PRDM2: variants seen among roughly 807,000 people sequenced by gnomAD.
The protein encoded by PRDM2 is PR/SET domain 2.
Under a neutral mutation model 130.0 loss-of-function variants are expected in PRDM2, and 30 were observed. That is an observed-to-expected ratio of 0.23 (90% CI 0.17 to 0.31). The LOEUF (loss-of-function observed/expected upper bound fraction) is 0.31, where lower values mean the gene tolerates loss of function less well. Ranked by LOEUF, PRDM2 falls within the 10% of genes least tolerant of loss-of-function variation. PRDM2 has a pLI of 1.00. For synonymous variants in PRDM2, 871 were observed against 782.4 expected (o/e 1.11, Z -1.89); for missense variants, 2,011 against 2,108.4 (o/e 0.95, Z 0.90).
chr1:13,758,177 C>G (rs1420394043), intron 6 of PRDM2, among the ~76,000 whole-genome samples: 1 of 152,060 alleles, frequency 6.6e-6, no homozygotes, highest in African/African-American at 2.4e-5. Context: ...GGCGCGGTGG[C>G]TCACACCTGT....
chr1:13,774,827 A>T lies in PRDM2; in HGVS notation c.622+1639A>T, dbSNP rs193113525. Among the ~76,000 whole-genome samples the T allele has an allele frequency of 3.1e-3, 472 of 152,258 alleles. 2 individuals carry two copies. Among genetic ancestry groups the T allele is most frequent in the African/African-American group, 0.011 (455 of 41,544 alleles). On this transcript the variant is annotated intron_variant, in intron 7 of 9. Transcript: ENST00000311066. ...CCGTCTCTACTAAAAATACAAAAAA[A>T]TTAGCCAGGCGTGGTGGTGGGCGCC...
chr1:13,753,674 T>A (rs1643887158), intron 6 of PRDM2, among the ~76,000 whole-genome samples: 1 of 152,152 alleles, frequency 6.6e-6, no homozygotes, highest in Non-Finnish European at 1.5e-5. Flanking sequence ...CAGTAAGGAC[T>A]ATTGACCCTC....
At chr1:13,730,502 C>T (rs574165155) in intron 2 of PRDM2, among the ~76,000 whole-genome samples, 1 of 152,272 alleles carries the variant, frequency 6.6e-6, no homozygotes, top group African/African-American at 2.4e-5. Flanking sequence ...AATATTCAAG[C>T]CCCATCCAGT....
At chr1:13,736,114 C>CTTT (rs766095858) in intron 4 of PRDM2, among the ~76,000 whole-genome samples, 3 of 132,020 alleles carry the variant, frequency 2.3e-5, no homozygotes, top group Non-Finnish European at 5.0e-5. Flanking sequence ...TGTTTCTTTT[C>CTTT]TTTTTTTTTT....
intron 8 of PRDM2, among the ~76,000 whole-genome samples, chr1:13,813,203 A>T (rs571958598): frequency 1.3e-5 from 2 of 152,320 alleles, no homozygotes; most frequent in African/African-American, 4.8e-5. Context: ...CAGAAGATCA[A>T]CCTGGAACTC....
In PRDM2 at chr1:13,741,979, G is replaced by T. The variant is rs995983878; in HGVS notation, c.232-26G>T. 4 of 1,507,040 alleles carry T rather than the reference G, an allele frequency of 2.7e-6. No homozygotes were observed. In the East Asian group the frequency reaches 9.0e-5, roughly 34 times the overall value. The allele number at this position is 1,507,040 out of a possible 1,614,324, so 93.4% of individuals were successfully genotyped here. ...TAAAGATACTCCTATTTTAACAAAA[G>T]TTTTTTACTTTTCTCCATTTTCAAG... On this transcript the variant is annotated intron_variant, in intron 4 of 9. Transcript: ENST00000311066.
chr1:13,813,520 C>T (rs1645208836), intron 8 of PRDM2, among the ~76,000 whole-genome samples: 1 of 152,186 alleles, frequency 6.6e-6, no homozygotes, highest in Admixed American at 6.5e-5. Flanking sequence ...GGGCTCTGCT[C>T]GCCTGGGAAA....
At chr1:13,702,983 C>T (rs978762223) in intron 1 of PRDM2, among the ~76,000 whole-genome samples, 4 of 152,140 alleles carry the variant, frequency 2.6e-5, no homozygotes, top group East Asian at 3.8e-4. Context: ...AGATAACTGC[C>T]GCCCTGTGTC....
chr1:13,732,937 G>GAGAGAACAGAATAA, intron 4 of PRDM2, 55 bp downstream of exon 4: 1 of 1,188,864 alleles, frequency 8.4e-7, no homozygotes, highest in Non-Finnish European at 1.2e-6. Context: ...TAATTATTCT[G>GAGAGAACAGAATAA]TTCTCTCAGA....
chr1:13,783,236 A>G lies in PRDM2; in HGVS notation c.5036+405A>G, dbSNP rs541215800. ...AGACGGGTCACTAAGTTCATTAGTA[A>G]ACCATGTTACAATCTTGTTTAATAT... On this transcript the variant is annotated intron_variant, in intron 8 of 9. Coordinates refer to ENST00000311066, the MANE Select transcript of PRDM2 (RefSeq NM_001393986.1). 12 of 493,270 alleles carry G rather than the reference A, an allele frequency of 2.4e-5. No individual in the cohort carries two copies. In the East Asian group the frequency reaches 6.6e-4, roughly 27 times the overall value. 30.6% of individuals were successfully genotyped at this position (493,270 alleles called of 1,614,324 possible). A position where few individuals can be genotyped will look rare whatever the true frequency, so the allele number is the denominator to read the frequency against.
chr1:13,742,268 A>G, intron 5 of PRDM2, 111 bp downstream of exon 5: 3 of 1,221,964 alleles, frequency 2.5e-6, no homozygotes, highest in Non-Finnish European at 1.2e-6. Context: ...GGGCTCCATC[A>G]CGGCTCACTG....
At chr1:13,795,746 C>T (rs527415359) in intron 8 of PRDM2, among the ~76,000 whole-genome samples, 1 of 152,324 alleles carries the variant, frequency 6.6e-6, no homozygotes, top group East Asian at 1.9e-4. Context: ...GAGCCTCATC[C>T]CTCCAGCTTT....
intron 8 of PRDM2, among the ~76,000 whole-genome samples, chr1:13,792,864 CAGAT>C (rs1644863189): frequency 6.6e-6 from 1 of 152,286 alleles, no homozygotes; most frequent in Admixed American, 6.5e-5. Flanking sequence ...TTCTCATTTA[CAGAT>C]AGATTAACCG....
chr1:13,765,372 T>G (rs891297586), intron 6 of PRDM2, among the ~76,000 whole-genome samples: 34 of 152,360 alleles, frequency 2.2e-4, no homozygotes, highest in African/African-American at 7.2e-4. Flanking sequence ...TCAACCCAAC[T>G]GTAGAACGTT....
At position 13,790,520 on chromosome 1, in the gene PRDM2, G is replaced by A. The variant is rs1644822571; in HGVS notation, c.5036+7689G>A. Among the ~76,000 whole-genome samples, 6 of 152,040 alleles carry A rather than the reference G, an allele frequency of 3.9e-5. No individual in the cohort carries two copies. In the South Asian group the frequency reaches 1.2e-3, roughly 32 times the overall value. On this transcript the variant is annotated intron_variant, in intron 8 of 9. Coordinates refer to ENST00000311066, the MANE Select transcript of PRDM2 (RefSeq NM_001393986.1). ...TGATTCCAAGGCCCAAGCCCCCTTGGGCCTTGCCCTTCTGGTGGCTTGACC... is the reference window on the plus strand; with the variant it reads ...TGATTCCAAGGCCCAAGCCCCCTTGAGCCTTGCCCTTCTGGTGGCTTGACC...
chr1:13,783,074 A>G, intron 8 of PRDM2: 1 of 904,900 alleles, frequency 1.1e-6, no homozygotes, highest in Non-Finnish European at 1.6e-6. Flanking sequence ...CCAGATGTAA[A>G]TTGAATTTAA....
intron 2 of PRDM2, among the ~76,000 whole-genome samples, chr1:13,724,744 C>A (rs1243571335): frequency 6.6e-6 from 1 of 152,096 alleles, no homozygotes; most frequent in Non-Finnish European, 1.5e-5. Flanking sequence ...CCACCCATCT[C>A]AACCTCCCAA....
At chr1:13,758,726 A>C (rs1644024091) in intron 6 of PRDM2, among the ~76,000 whole-genome samples, 1 of 152,206 alleles carries the variant, frequency 6.6e-6, no homozygotes, top group South Asian at 2.1e-4. Flanking sequence ...GCTGCTTGCT[A>C]TTCCTGCTTC....
intron 5 of PRDM2, among the ~76,000 whole-genome samples, chr1:13,747,726 G>A (rs1404097207): frequency 6.8e-5 from 9 of 132,428 alleles, no homozygotes; most frequent in Non-Finnish European, 1.2e-4. Flanking sequence ...TTGAAGTGAG[G>A]AACTATTTTG....
Sources: gnomAD v4.1 joint callset for allele counts (sites outside exome capture counted in the v4.1 genomes callset) on GRCh38, gnomAD v4.1.1 for gene constraint, MANE v1.5 for transcripts, NCBI Gene and HGNC (gene_info 2026-07-23, HGNC 2026-07-21) for gene names.